Variants in STX8 observed in about 807,000 individuals in gnomAD.
STX8 encodes the protein syntaxin-8.
In STX8, 23 loss-of-function variants were observed where a neutral mutation model predicts 37.5. The ratio of observed to expected loss-of-function variants is 0.61; its 90% CI spans 0.44 to 0.87. The LOEUF is 0.87. STX8 is among the 40% of genes least tolerant of loss of function. STX8 has a pLI of 0.00. For missense variants in STX8, 313 were observed against 284.7 expected (o/e 1.10, Z -0.71); for synonymous variants, 115 against 99.1 (o/e 1.16, Z -0.95).
intron 6 of STX8, among the ~76,000 whole-genome samples, chr17:9,445,957 T>G (rs1597677282): frequency 6.6e-6 from 1 of 150,852 alleles, no homozygotes; most frequent in East Asian, 2.0e-4. Context: ...CGACTCGGCC[T>G]CCCGAGTAGC....
intron 6 of STX8, among the ~76,000 whole-genome samples, chr17:9,479,581 T>G (rs1906232079): frequency 6.7e-6 from 1 of 148,442 alleles, no homozygotes; most frequent in Non-Finnish European, 1.5e-5. Context: ...TAAGTATATA[T>G]TCATGTATTT....
rs1489876223 is a variant in STX8 at position 9,364,552 on chromosome 17, C to CAG, written c.643+13998_643+13999dup. On this transcript the variant is annotated intron_variant, in intron 7 of 7. Transcript: ENST00000306357. ...TTGTTGTTTATATTTTTTTTTGAGA[C>CAG]AGTTTTTTGCTCTTGTTGCCCAGGC... 2.1e-3 allele frequency among the ~76,000 whole-genome samples: 314 copies of CAG among 151,748 alleles called. 1 individual carries two copies. Among genetic ancestry groups the CAG allele is most frequent in the African/African-American group, 6.5e-3 (268 of 41,386 alleles).
chr17:9,506,301 T>C (rs1904821562), intron 4 of STX8, among the ~76,000 whole-genome samples: 1 of 151,168 alleles, frequency 6.6e-6, no homozygotes, highest in Admixed American at 6.7e-5. Context: ...AGATGAACAT[T>C]AGACTCATCT....
intron 6 of STX8, among the ~76,000 whole-genome samples, chr17:9,419,557 A>T (rs543772013): frequency 6.6e-6 from 1 of 152,188 alleles, no homozygotes; most frequent in Non-Finnish European, 1.5e-5. Context: ...AAGGACAACA[A>T]ATGGGAGGTA....
intron 4 of STX8, among the ~76,000 whole-genome samples, chr17:9,511,874 TAAAC>T (rs1327154660): frequency 2.0e-5 from 3 of 151,986 alleles, no homozygotes; most frequent in Admixed American, 2.0e-4. Flanking sequence ...TCAGAACTGA[TAAAC>T]AAATTTAGTA....
rs1285886036 is a variant in STX8 at position 9,307,418 on chromosome 17, C to A, written c.644-56773G>T. On this transcript the variant is annotated intron_variant, in intron 7 of 7. Coordinates refer to ENST00000306357, the MANE Select transcript of STX8 (RefSeq NM_004853.3). ...GACTTCGGTCTTCCTCTCGGGTCAG[C>A]CAAAGGAGGCACTGGCTGGAGGTCA... Among the ~76,000 whole-genome samples, 3 of 152,146 alleles carry A rather than the reference C, an allele frequency of 2.0e-5. No homozygotes were observed. The East Asian group carries it at 5.8e-4, about 29-fold the overall frequency.
intron 6 of STX8, among the ~76,000 whole-genome samples, chr17:9,400,579 AT>A (rs1418198524): frequency 6.6e-6 from 1 of 150,600 alleles, no homozygotes; most frequent in African/African-American, 2.5e-5. Context: ...TAATTTTTGT[AT>A]TTTTAGTAGA....
At chr17:9,362,107 G>A (rs1210168194) in intron 7 of STX8, among the ~76,000 whole-genome samples, 1 of 152,092 alleles carries the variant, frequency 6.6e-6, no homozygotes, top group African/African-American at 2.4e-5. Context: ...GAAGTGGGCA[G>A]ATCACTTGAG....
At chr17:9,560,934 C>T (rs1364407054) in intron 2 of STX8, among the ~76,000 whole-genome samples, 1 of 151,818 alleles carries the variant, frequency 6.6e-6, no homozygotes, top group African/African-American at 2.4e-5. Context: ...AACAAATGGC[C>T]CAGAAACAAT....
chr17:9,439,970 G>A (rs113490141), intron 6 of STX8, among the ~76,000 whole-genome samples: 1 of 152,072 alleles, frequency 6.6e-6, no homozygotes, highest in Non-Finnish European at 1.5e-5. Context: ...ATGGCAAAGG[G>A]TATTCTGCAA....
intron 5 of STX8, among the ~76,000 whole-genome samples, chr17:9,494,227 G>A (rs1411952056): frequency 2.0e-5 from 3 of 151,698 alleles, no homozygotes; most frequent in Non-Finnish European, 4.4e-5. Context: ...GTGTTAGCCA[G>A]GATGGTCTCG....
In STX8 at chr17:9,429,917, AAT is replaced by A. The variant is rs1913836516; in HGVS notation, c.542-51266_542-51265del. ...ATATAATATATTATATATTATATAT[AAT>A]ATATATAATATATATTATATAGAAT... On this transcript the variant is annotated intron_variant, in intron 6 of 7. Transcript: ENST00000306357. Among the ~76,000 whole-genome samples the A allele has an allele frequency of 3.9e-4, 2 of 5,160 alleles. 1 individual carries two copies. The highest frequency in any genetic ancestry group is 5.1e-4 in the Non-Finnish European group (2 of 3,932). 3.4% of individuals were successfully genotyped at this position (5,160 alleles called of 152,430 possible).
intron 4 of STX8, among the ~76,000 whole-genome samples, chr17:9,513,313 C>CAAAAAAAAAAAAAAAAAAA (rs35228175): frequency 1.3e-5 from 1 of 78,038 alleles, no homozygotes; most frequent in Non-Finnish European, 2.6e-5. Context: ...ACTCTATTTC[C>CAAAAAAAAAAAAAAAAAAA]AAAAAAAAAA....
At chr17:9,311,843 C>T (rs531522164) in intron 7 of STX8, among the ~76,000 whole-genome samples, 1 of 152,032 alleles carries the variant, frequency 6.6e-6, no homozygotes, top group Admixed American at 6.6e-5. Flanking sequence ...GTGTTAAATT[C>T]TCTTTTTTTC....
At chr17:9,485,610 G>C (rs1365633426) in intron 6 of STX8, among the ~76,000 whole-genome samples, 3 of 149,766 alleles carry the variant, frequency 2.0e-5, no homozygotes, top group Admixed American at 1.3e-4. Flanking sequence ...TTTTGAGACA[G>C]AGTCTTGCTC....
At chr17:9,292,339 C>A (rs565564720) in intron 7 of STX8, among the ~76,000 whole-genome samples, 1 of 152,332 alleles carries the variant, frequency 6.6e-6, no homozygotes, top group South Asian at 2.1e-4. Flanking sequence ...GGGAGACCTG[C>A]AGCTTAGGTG....
chr17:9,453,486 T>A (rs1298677546), intron 6 of STX8, among the ~76,000 whole-genome samples: 1 of 137,210 alleles, frequency 7.3e-6, no homozygotes, highest in African/African-American at 2.8e-5. Context: ...TCACTACTCA[T>A]CTTTTTTTTT....
intron 1 of STX8, among the ~76,000 whole-genome samples, chr17:9,574,037 A>T (rs1907794130): frequency 6.6e-6 from 1 of 152,082 alleles, no homozygotes; most frequent in Non-Finnish European, 1.5e-5. Flanking sequence ...TTGGGAGGCC[A>T]AGGCGGGCAG....
chr17:9,273,921 T>G (rs78843026), intron 7 of STX8, among the ~76,000 whole-genome samples: 3,448 of 152,288 alleles, frequency 0.023, 121 homozygotes, highest in African/African-American at 0.078. Flanking sequence ...TTCTGACAGT[T>G]TCCTGGATAT....
Sources: allele counts gnomAD v4.1 joint callset (sites outside exome capture counted in the v4.1 genomes callset), GRCh38; gene constraint gnomAD v4.1.1; transcripts MANE v1.5; gene names NCBI Gene and HGNC (gene_info 2026-07-23, HGNC 2026-07-21).